MAD1L1: variants seen among roughly 807,000 people sequenced by gnomAD.
MAD1L1 encodes the protein mitotic spindle assembly checkpoint protein MAD1.
A neutral mutation model predicts 96.9 loss-of-function variants in MAD1L1; 95 were observed. The ratio of observed to expected loss-of-function variants is 0.98; its 90% CI spans 0.83 to 1.16. MAD1L1 has a LOEUF of 1.16. MAD1L1 is among the 50% of genes most tolerant of loss of function. The pLI is 0.00. For synonymous variants in MAD1L1, 473 were observed against 396.6 expected (o/e 1.19, Z -2.29); for missense variants, 1,007 against 954.4 (o/e 1.06, Z -0.73).
chr7:1,873,060 G>A (rs1027431789), intron 18 of MAD1L1, among the ~76,000 whole-genome samples: 2 of 152,262 alleles, frequency 1.3e-5, no homozygotes, highest in Non-Finnish European at 2.9e-5. Context: ...GACGCAACGA[G>A]TCACACAGGG....
intron 18 of MAD1L1, among the ~76,000 whole-genome samples, chr7:1,840,685 C>G (rs571073821): frequency 6.6e-6 from 1 of 152,306 alleles, no homozygotes; most frequent in African/African-American, 2.4e-5. Flanking sequence ...GCCAAGATCG[C>G]GCCACTGCAC....
Position 2,041,654 on chromosome 7 carries a change from C to T in MAD1L1, c.1219-27012G>A, listed in dbSNP as rs534036774. Among the ~76,000 whole-genome samples, 3 of 152,334 alleles carry T rather than the reference C, an allele frequency of 2.0e-5. No homozygotes were observed. The South Asian group carries it at 6.2e-4, about 32-fold the overall frequency. On this transcript the variant is annotated intron_variant, in intron 12 of 18. Coordinates refer to ENST00000265854, the MANE Select transcript of MAD1L1 (RefSeq NM_001013836.2). Reference sequence around the variant, plus strand: ...TACATCCAGCTGCATATACCTTTGACATGGGTCACGACTGACGCTTGACAT... The same window carrying T: ...TACATCCAGCTGCATATACCTTTGATATGGGTCACGACTGACGCTTGACAT...
At chr7:2,083,067 G>T (rs980410412) in intron 11 of MAD1L1, among the ~76,000 whole-genome samples, 1 of 152,234 alleles carries the variant, frequency 6.6e-6, no homozygotes, top group African/African-American at 2.4e-5. Context: ...CCCTGCGCGT[G>T]ACGTCCTGGG....
At chr7:1,868,572 A>T (rs1735864244) in intron 18 of MAD1L1, among the ~76,000 whole-genome samples, 1 of 150,788 alleles carries the variant, frequency 6.6e-6, no homozygotes, top group South Asian at 2.1e-4. Flanking sequence ...GGGATGGAGC[A>T]TCATCCTGGG....
rs1236788440 is a variant in MAD1L1, at chr7:2,119,961, T to C, written c.1073+29191A>G. Among the ~76,000 whole-genome samples, 1 of 152,140 alleles carries C rather than the reference T, an allele frequency of 6.6e-6. No individual in the cohort carries two copies. Among genetic ancestry groups the C allele is most frequent in the Non-Finnish European group, 1.5e-5 (1 of 67,998 alleles). On this transcript the variant is annotated intron_variant, in intron 11 of 18. Coordinates refer to ENST00000265854, the MANE Select transcript of MAD1L1 (RefSeq NM_001013836.2). This position sits in a 1 kb window ranked among gnomAD's most constrained non-coding sequence, Gnocchi z 4.6. ...CTCCTCACTCCACCTCCTCCCAGCA[T>C]GCGCCCAAGGCATCCCTAGCAATGC...
chr7:1,922,135 A>C (rs73050125), intron 17 of MAD1L1, among the ~76,000 whole-genome samples: 1 of 152,238 alleles, frequency 6.6e-6, no homozygotes, highest in South Asian at 2.1e-4. Context: ...CACAGGCTGC[A>C]GGCGGGCTGA....
intron 18 of MAD1L1, chr7:1,872,635 TCA>T (rs1293071032): frequency 6.6e-6 from 1 of 152,300 alleles, no homozygotes; most frequent in African/African-American, 2.4e-5. Flanking sequence ...TCCCGCCGGC[TCA>T]CACTCACACG....
rs576115468 is a variant in MAD1L1, at chr7:1,918,550, C to T, written c.1807+18137G>A. ...GAGGATCTGTTTGCAGGCAGCCAGG[C>T]GGGTGTGCCCAGCACAGAGGGTGGT... On this transcript the variant is annotated intron_variant, in intron 17 of 18. Coordinates refer to ENST00000265854, the MANE Select transcript of MAD1L1 (RefSeq NM_001013836.2). Among the ~76,000 whole-genome samples the T allele has an allele frequency of 3.9e-5, 6 of 152,336 alleles. No individual in the cohort carries two copies. The East Asian group carries it at 5.8e-4, about 15-fold the overall frequency.
chr7:1,845,083 T>C (rs1033022619), intron 18 of MAD1L1, among the ~76,000 whole-genome samples: 2 of 152,224 alleles, frequency 1.3e-5, no homozygotes, highest in African/African-American at 4.8e-5. Context: ...AGGCCCTGAC[T>C]GCAGCGGGGA....
At chr7:2,147,496 T>C (rs544885714) in intron 11 of MAD1L1, among the ~76,000 whole-genome samples, 1 of 152,260 alleles carries the variant, frequency 6.6e-6, no homozygotes, top group East Asian at 1.9e-4. Flanking sequence ...GAACCCAGGA[T>C]TTCAGGGCAG....
At chr7:2,049,401 G>C (rs1784067433) in intron 12 of MAD1L1, among the ~76,000 whole-genome samples, 1 of 152,220 alleles carries the variant, frequency 6.6e-6, no homozygotes, top group African/African-American at 2.4e-5. Context: ...GGCCTCTGCT[G>C]ACTCGGAGCC....
At chr7:1,972,665 T>C (rs1780458726) in intron 15 of MAD1L1, among the ~76,000 whole-genome samples, 1 of 152,076 alleles carries the variant, frequency 6.6e-6, no homozygotes, top group African/African-American at 2.4e-5. Flanking sequence ...TTTTTTTTAA[T>C]TTCATTGCTT....
intron 10 of MAD1L1, among the ~76,000 whole-genome samples, chr7:2,178,043 C>T (rs1791026425): frequency 6.6e-6 from 1 of 152,214 alleles, no homozygotes. Context: ...GAATTAATTA[C>T]ACAGAACTAA....
chr7:1,942,579 A>G (rs1252815428), intron 16 of MAD1L1, among the ~76,000 whole-genome samples: 1 of 152,038 alleles, frequency 6.6e-6, no homozygotes, highest in African/African-American at 2.4e-5. Flanking sequence ...TCCTGCACCC[A>G]CCCCACCAAG....
rs1429041529 is a variant in MAD1L1 at position 2,103,487 on chromosome 7, G to A, written c.1074-34149C>T. 2.6e-5 allele frequency among the ~76,000 whole-genome samples: 4 copies of A among 152,112 alleles called. No individual in the cohort carries two copies. The highest frequency in any genetic ancestry group is 2.1e-4 in the South Asian group (1 of 4,828). The stretch of plus-strand genomic sequence containing the variant: ...AGTGCAGCAGATCTCACCCGCCCCC[G>A]AGGCCACTGCACAGCGGCGGGGCTC... On this transcript the variant is annotated intron_variant, in intron 11 of 18. Coordinates refer to ENST00000265854, the MANE Select transcript of MAD1L1 (RefSeq NM_001013836.2). This position sits in a 1 kb window ranked among gnomAD's most constrained non-coding sequence, Gnocchi z 4.3.
chr7:2,076,526 C>T (rs906076188), intron 11 of MAD1L1, among the ~76,000 whole-genome samples: 5 of 152,210 alleles, frequency 3.3e-5, no homozygotes, highest in Non-Finnish European at 7.3e-5. Context: ...TAAGTGAGCC[C>T]GAACACAGAC....
chr7:1,933,069 A>T (rs111975446), intron 17 of MAD1L1, among the ~76,000 whole-genome samples: 1 of 151,732 alleles, frequency 6.6e-6, no homozygotes, highest in African/African-American at 2.4e-5. Flanking sequence ...GTTTTTGGAG[A>T]TTTTCTTTGC....
At chr7:2,184,534 G>C (rs1791367493) in intron 10 of MAD1L1, among the ~76,000 whole-genome samples, 1 of 152,120 alleles carries the variant, frequency 6.6e-6, no homozygotes, top group African/African-American at 2.4e-5. Context: ...TCATTAAAAG[G>C]CCCAGCAATT....
chr7:1,974,489 A>G (rs1780540709), intron 15 of MAD1L1, among the ~76,000 whole-genome samples: 1 of 152,250 alleles, frequency 6.6e-6, no homozygotes. Flanking sequence ...CACTGACAGG[A>G]TGCTTTATAC....
Sources: gnomAD v4.1 joint callset for allele counts (sites outside exome capture counted in the v4.1 genomes callset) on GRCh38, gnomAD v4.1.1 for gene constraint, Gnocchi (gnomAD v3.1) non-coding constraint, MANE v1.5 for transcripts, NCBI Gene and HGNC (gene_info 2026-07-23, HGNC 2026-07-21) for gene names.